The following RBM47 variants were observed in gnomAD, a reference collection of about 807,000 sequenced individuals.
RBM47 encodes RNA binding motif protein 47.
In RBM47, 21 loss-of-function variants were observed where a neutral mutation model predicts 47.1. The ratio of observed to expected loss-of-function variants is 0.45; its 90% CI spans 0.32 to 0.64. RBM47 has a LOEUF of 0.64. Among genes scored for constraint, RBM47 ranks in the 30% least tolerant of loss-of-function variants. The probability of loss-of-function intolerance (pLI) is 0.05; values close to 1 mark genes in which losing one functional copy is unlikely to be tolerated. For synonymous variants in RBM47, 375 were observed against 361.7 expected (o/e 1.04, Z -0.42); for missense variants, 708 against 870.9 (o/e 0.81, Z 2.35).
chr4:40,594,340 T>C (rs12646215), intron 1 of RBM47, among the ~76,000 whole-genome samples: 29,551 of 152,184 alleles, frequency 0.19, 3,358 homozygotes, highest in Admixed American at 0.26. Context: ...CTTTCACATC[T>C]TTTGTACTGA....
At chr4:40,561,324 TG>T (rs1398870314) in intron 1 of RBM47, among the ~76,000 whole-genome samples, 3 of 148,520 alleles carry the variant, frequency 2.0e-5, no homozygotes, top group African/African-American at 7.4e-5. Flanking sequence ...CACCGCTTCC[TG>T]GGTTCAAGCG....
At chr4:40,535,828 GATTACAGGC>G (rs1727921028) in intron 2 of RBM47, among the ~76,000 whole-genome samples, 2 of 152,076 alleles carry the variant, frequency 1.3e-5, no homozygotes, top group Admixed American at 1.3e-4. Context: ...AAAGTGCTGG[GATTACAGGC>G]ATGAGCCACC....
At chr4:40,523,782 C>G (rs1726441308) in intron 2 of RBM47, among the ~76,000 whole-genome samples, 1 of 150,904 alleles carries the variant, frequency 6.6e-6, no homozygotes, top group African/African-American at 2.4e-5. Context: ...GGAGGATTAC[C>G]TGAGCCTGGG....
chr4:40,463,167 A>G (rs151002092), intron 3 of RBM47, among the ~76,000 whole-genome samples: 7 of 152,232 alleles, frequency 4.6e-5, no homozygotes, highest in Non-Finnish European at 7.3e-5. Flanking sequence ...GAAGATATAC[A>G]TTATACATCC....
At chr4:40,559,815 G>A (rs1453924403) in intron 1 of RBM47, among the ~76,000 whole-genome samples, 1 of 152,076 alleles carries the variant, frequency 6.6e-6, no homozygotes, top group African/African-American at 2.4e-5. Context: ...CCTGTTGGCA[G>A]CACATAATAT....
At chr4:40,548,259 G>A (rs1440393083) in intron 1 of RBM47, among the ~76,000 whole-genome samples, 1 of 152,222 alleles carries the variant, frequency 6.6e-6, no homozygotes, top group African/African-American at 2.4e-5. Context: ...AGAACAGTCA[G>A]TTCCTGGTGC....
chr4:40,512,191 CAGGTGG>C (rs1462671122), intron 2 of RBM47, among the ~76,000 whole-genome samples: 1 of 152,116 alleles, frequency 6.6e-6, no homozygotes, highest in East Asian at 1.9e-4. Flanking sequence ...GAGGCCAAGG[CAGGTGG>C]ATCACCTGAG....
Position 40,504,290 on chromosome 4 carries a change from CTT to C in RBM47, c.-154-37593_-154-37592del, listed in dbSNP as rs35482960. On this transcript the variant is annotated intron_variant, in intron 2 of 6. Transcript: ENST00000295971. ...AATGGTATCTCTCTGTTGTTTCCTT[CTT>C]TTTTTTTTTTTTTTTTGAGATGGAG... Among the ~76,000 whole-genome samples, 196 of 128,232 alleles carry C rather than the reference CTT, an allele frequency of 1.5e-3. 1 individual carries two copies. The highest frequency in any genetic ancestry group is 7.4e-4 in the Non-Finnish European group (45 of 60,782). The allele number at this position is 128,232 out of a possible 152,430, so 84.1% of individuals were successfully genotyped here. A position where few individuals can be genotyped will look rare whatever the true frequency, so the allele number is the denominator to read the frequency against.
chr4:40,595,908 T>A (rs1397032470), intron 1 of RBM47, among the ~76,000 whole-genome samples: 1 of 147,332 alleles, frequency 6.8e-6, no homozygotes, highest in Non-Finnish European at 1.5e-5. Flanking sequence ...TCGTCCCCCC[T>A]GCCAAAAAAA....
At chr4:40,622,934 A>T (rs1444740940) in intron 1 of RBM47, among the ~76,000 whole-genome samples, 1 of 152,176 alleles carries the variant, frequency 6.6e-6, no homozygotes, top group Non-Finnish European at 1.5e-5. Context: ...GTGTGCGGGG[A>T]GAGCGGTGAG....
At chr4:40,554,405 C>CAAAAAAAAAAAA (rs59793972) in intron 1 of RBM47, among the ~76,000 whole-genome samples, 1 of 91,040 alleles carries the variant, frequency 1.1e-5, no homozygotes, top group African/African-American at 3.4e-5. Flanking sequence ...AAGCAAACCT[C>CAAAAAAAAAAAA]AAAAAAAAAA....
At chr4:40,492,939 C>T (rs1722085267) in intron 2 of RBM47, among the ~76,000 whole-genome samples, 1 of 152,190 alleles carries the variant, frequency 6.6e-6, no homozygotes, top group Admixed American at 6.5e-5. Flanking sequence ...TGCTTCCCCT[C>T]CTCCATCACC....
At chr4:40,475,694 T>A (rs1719501105) in intron 2 of RBM47, 1 of 152,220 alleles carries the variant, frequency 6.6e-6, no homozygotes, top group Non-Finnish European at 1.5e-5. Context: ...TTCCCCTACC[T>A]TTCCAATCTT....
intron 1 of RBM47, among the ~76,000 whole-genome samples, chr4:40,586,943 A>G (rs1031698251): frequency 5.3e-5 from 8 of 152,102 alleles, no homozygotes; most frequent in Non-Finnish European, 1.2e-4. Flanking sequence ...CCTTGGGCAC[A>G]TCACGTGATT....
chr4:40,445,644 T>C (rs1714428556), intron 3 of RBM47, among the ~76,000 whole-genome samples: 1 of 152,246 alleles, frequency 6.6e-6, no homozygotes, highest in Non-Finnish European at 1.5e-5. Flanking sequence ...GTATTTGTAC[T>C]CATGGTTACT....
At chr4:40,611,080 C>T (rs1736221757) in intron 1 of RBM47, among the ~76,000 whole-genome samples, 1 of 152,142 alleles carries the variant, frequency 6.6e-6, no homozygotes, top group Non-Finnish European at 1.5e-5. Flanking sequence ...AAACGTTTCC[C>T]TCATCCCCTG....
At chr4:40,452,840 CTTTTTTTTTTTT>C (rs34438216) in intron 3 of RBM47, among the ~76,000 whole-genome samples, 4 of 125,102 alleles carry the variant, frequency 3.2e-5, no homozygotes, top group East Asian at 2.4e-4. Context: ...TGATTTCCTT[CTTTTTTTTTTTT>C]TTTTTTTTTA....
At chr4:40,614,889 A>G (rs1736582054) in intron 1 of RBM47, among the ~76,000 whole-genome samples, 1 of 152,064 alleles carries the variant, frequency 6.6e-6, no homozygotes, top group Non-Finnish European at 1.5e-5. Context: ...TGGGCAAGTT[A>G]CTAGATAGCG....
chr4:40,542,887 A>G (rs1728685913), intron 2 of RBM47: 1 of 151,990 alleles, frequency 6.6e-6, no homozygotes, highest in Non-Finnish European at 1.5e-5. Flanking sequence ...TCATCAGCCC[A>G]CTCATTACTC....
Sources: gnomAD v4.1 joint callset for allele counts (sites outside exome capture counted in the v4.1 genomes callset) on GRCh38, gnomAD v4.1.1 for gene constraint, MANE v1.5 for transcripts, NCBI Gene and HGNC (gene_info 2026-07-23, HGNC 2026-07-21) for gene names.